CYYR1: variants seen among roughly 807,000 people sequenced by gnomAD.
CYYR1 encodes cysteine and tyrosine rich 1.
A neutral mutation model predicts 15.2 loss-of-function variants in CYYR1; 14 were observed. That is an observed-to-expected ratio of 0.92 (90% CI 0.61 to 1.44). The LOEUF (loss-of-function observed/expected upper bound fraction) is 1.44. Among genes scored for constraint, CYYR1 ranks in the 40% most tolerant of loss-of-function variants. CYYR1 has a pLI of 0.00. For synonymous variants in CYYR1, 80 were observed against 77.4 expected (o/e 1.03, Z -0.18); for missense variants, 228 against 209.5 (o/e 1.09, Z -0.54).
chr21:26,535,134 AAACT>A lies in CYYR1; in HGVS notation c.176+31128_176+31131del, dbSNP rs539492246. ...TTGGGGGAAGGGAGCAAATGTTGAA[AAACT>A]AACTATTAGGTACTATGCTCACCAC... On this transcript the variant is annotated intron_variant, in intron 2 of 3. Coordinates refer to ENST00000652641, the MANE Select transcript of CYYR1 (RefSeq NM_001320768.2). Among the ~76,000 whole-genome samples the A allele has an allele frequency of 3.4e-3, 516 of 152,274 alleles. 1 individual carries two copies. The highest frequency in any genetic ancestry group is 4.4e-3 in the Non-Finnish European group (297 of 68,032).
chr21:26,553,674 A>AAGT (rs1979557253), intron 2 of CYYR1, among the ~76,000 whole-genome samples: 1 of 152,134 alleles, frequency 6.6e-6, no homozygotes, highest in Non-Finnish European at 1.5e-5. Flanking sequence ...CACAGTCCTG[A>AAGT]AGTAGCTGCT....
At chr21:26,480,525 A>G in intron 2 of CYYR1, 96 bp from the exon 3 acceptor site, 2 of 1,315,620 alleles carry the variant, frequency 1.5e-6, no homozygotes, top group Middle Eastern at 2.0e-4. Context: ...GTGTTTTCTT[A>G]CAAATGTTCT....
intron 2 of CYYR1, among the ~76,000 whole-genome samples, chr21:26,526,232 A>G (rs1242626028): frequency 6.6e-6 from 1 of 152,072 alleles, no homozygotes; most frequent in African/African-American, 2.4e-5. Context: ...TGGACCACTT[A>G]AGGTCAGGAG....
intron 2 of CYYR1, among the ~76,000 whole-genome samples, chr21:26,499,388 A>G (rs2123470660): frequency 6.6e-6 from 1 of 152,304 alleles, no homozygotes; most frequent in East Asian, 1.9e-4. Context: ...AGAGGTAAGG[A>G]AGGTTTTTCC....
intron 2 of CYYR1, among the ~76,000 whole-genome samples, chr21:26,536,621 A>G (rs1237723926): frequency 6.6e-6 from 1 of 152,104 alleles, no homozygotes; most frequent in East Asian, 1.9e-4. Context: ...TTAAAATTCA[A>G]TACTTAGGTA....
intron 2 of CYYR1, among the ~76,000 whole-genome samples, chr21:26,518,108 G>T (rs902628929): frequency 6.6e-6 from 1 of 152,154 alleles, no homozygotes; most frequent in Admixed American, 6.5e-5. Flanking sequence ...ACTTGGGTGT[G>T]ATCACTCCCT....
At chr21:26,549,500 T>G (rs889619619) in intron 2 of CYYR1, among the ~76,000 whole-genome samples, 1 of 152,210 alleles carries the variant, frequency 6.6e-6, no homozygotes. Flanking sequence ...TTAGTCATTT[T>G]CATCACAAAA....
intron 2 of CYYR1, among the ~76,000 whole-genome samples, chr21:26,557,674 G>A (rs549891248): frequency 6.6e-6 from 1 of 152,196 alleles, no homozygotes; most frequent in Admixed American, 6.5e-5. Context: ...CCTCTCTTCA[G>A]AAAATCTCAT....
rs553608004 is a variant in CYYR1, at chr21:26,538,640, A to G, written c.176+27626T>C. 3.3e-5 allele frequency among the ~76,000 whole-genome samples: 5 copies of G among 152,230 alleles called. No individual in the cohort carries two copies. In the East Asian group the frequency reaches 9.7e-4, roughly 29 times the overall value. Reference sequence around the variant, plus strand: ...CAAATATCAGGTCTTTAGCTGTCATATATAAAAGTGAGACTCAGAAAAACC... The same window carrying G: ...CAAATATCAGGTCTTTAGCTGTCATGTATAAAAGTGAGACTCAGAAAAACC... On this transcript the variant is annotated intron_variant, in intron 2 of 3. Transcript: ENST00000652641.
chr21:26,477,989 G>T, intron 3 of CYYR1: 1 of 1,516,464 alleles, frequency 6.6e-7, no homozygotes, highest in South Asian at 1.3e-5. Flanking sequence ...CTAGGGTATT[G>T]ATATATGATT....
At chr21:26,536,251 C>T (rs1470648037) in intron 2 of CYYR1, among the ~76,000 whole-genome samples, 1 of 152,144 alleles carries the variant, frequency 6.6e-6, no homozygotes, top group African/African-American at 2.4e-5. Context: ...TACAATTTGA[C>T]ATGATATTTG....
At chr21:26,475,560 T>C (rs1413977644) in intron 3 of CYYR1, among the ~76,000 whole-genome samples, 1 of 152,148 alleles carries the variant, frequency 6.6e-6, no homozygotes, top group Non-Finnish European at 1.5e-5. Flanking sequence ...ATCAGTGTAC[T>C]AGCAAAATAC....
intron 2 of CYYR1, among the ~76,000 whole-genome samples, chr21:26,493,148 T>C (rs1040933709): frequency 1.3e-5 from 2 of 152,108 alleles, no homozygotes; most frequent in African/African-American, 4.8e-5. Context: ...TGACAGTTGC[T>C]GGAATAAAAA....
intron 2 of CYYR1, 47 bp downstream of exon 2, chr21:26,566,219 G>T: frequency 7.3e-7 from 1 of 1,369,248 alleles, no homozygotes; most frequent in Non-Finnish European, 1.0e-6. Context: ...CTGGACAACT[G>T]GACAAGAGGA....
At chr21:26,572,491 C>G (rs1981069217) in intron 1 of CYYR1, among the ~76,000 whole-genome samples, 2 of 152,190 alleles carry the variant, frequency 1.3e-5, no homozygotes, top group South Asian at 2.1e-4. Flanking sequence ...TTTTTATTCA[C>G]AAGAGGGAAA....
In CYYR1 at chr21:26,519,543, C is replaced by T. The variant is rs186858607; in HGVS notation, c.177-39114G>A. On this transcript the variant is annotated intron_variant, in intron 2 of 3. Coordinates refer to ENST00000652641, the MANE Select transcript of CYYR1 (RefSeq NM_001320768.2). ...GAGGTCAGAGGTTAAGGGGCCAGGT[C>T]GTGGAGTAACTTGTAGGCCATTTAA... Among the ~76,000 whole-genome samples the T allele has an allele frequency of 6.6e-5, 10 of 152,172 alleles. No individual in the cohort carries two copies. The East Asian group carries it at 1.9e-3, about 29-fold the overall frequency.
In CYYR1 at chr21:26,540,735, T is replaced by TA. The variant is rs202227536; in HGVS notation, c.176+25530dup. 6.6e-3 allele frequency among the ~76,000 whole-genome samples: 997 copies of TA among 151,426 alleles called. 11 individuals carry two copies. Among genetic ancestry groups the TA allele is most frequent in the African/African-American group, 0.023 (937 of 41,338 alleles). On this transcript the variant is annotated intron_variant, in intron 2 of 3. Coordinates refer to ENST00000652641, the MANE Select transcript of CYYR1 (RefSeq NM_001320768.2). Reference sequence around the variant, plus strand: ...ATCCAGTCTCTACAGTGTATTCTTTTAAAAAAAAATGTCCAGGGTATAATT... The same window carrying TA: ...ATCCAGTCTCTACAGTGTATTCTTTTAAAAAAAAAATGTCCAGGGTATAATT...
intron 2 of CYYR1, among the ~76,000 whole-genome samples, chr21:26,540,954 G>T (rs1978510698): frequency 6.6e-6 from 1 of 151,968 alleles, no homozygotes; most frequent in African/African-American, 2.4e-5. Context: ...CTTTAAAAAA[G>T]AACCAAATGG....
chr21:26,559,382 T>C (rs1980041104), intron 2 of CYYR1, among the ~76,000 whole-genome samples: 1 of 152,170 alleles, frequency 6.6e-6, no homozygotes, highest in Non-Finnish European at 1.5e-5. Flanking sequence ...CTTACATTTT[T>C]ATCTAGGAAT....
Sources: allele counts gnomAD v4.1 joint callset (sites outside exome capture counted in the v4.1 genomes callset), GRCh38; gene constraint gnomAD v4.1.1; transcripts MANE v1.5; gene names NCBI Gene and HGNC (gene_info 2026-07-23, HGNC 2026-07-21).